TUBGCP5: variants seen among roughly 807,000 people sequenced by gnomAD.
TUBGCP5 encodes the protein tubulin gamma complex component 5.
Under a neutral mutation model 134.7 loss-of-function variants are expected in TUBGCP5, and 98 were observed. The observed-to-expected ratio is 0.73, with a 90% confidence interval of 0.62 to 0.86. TUBGCP5 has a LOEUF of 0.86. TUBGCP5 is among the 40% of genes least tolerant of loss of function. The pLI is 0.00. For missense variants in TUBGCP5, 1,150 were observed against 1,244.8 expected, an observed-to-expected ratio of 0.92 and a Z score of 1.15; for synonymous variants, 456 against 431.4, an observed-to-expected ratio of 1.06 and a Z score of -0.71.
rs1174427523 is a variant in TUBGCP5, at chr15:23,013,678, T to C, written c.1757-2347A>G. On this transcript the variant is annotated intron_variant, in intron 13 of 22. Coordinates refer to ENST00000615383, the MANE Select transcript of TUBGCP5 (RefSeq NM_052903.6). The surrounding 1 kb of genome is among the most constrained non-coding windows in gnomAD (Gnocchi z 4.5). Reference sequence around the variant, plus strand: ...ACCTACAGTCATTACTACAGGAGGATTCCACAGTTCCCACGAGCTCTGAGC... The same window carrying C: ...ACCTACAGTCATTACTACAGGAGGACTCCACAGTTCCCACGAGCTCTGAGC... Among the ~76,000 whole-genome samples, 1 of 152,050 alleles carries C rather than the reference T, an allele frequency of 6.6e-6. No homozygotes were observed. The highest frequency in any genetic ancestry group is 2.1e-4 in the South Asian group (1 of 4,826).
intron 1 of TUBGCP5, among the ~76,000 whole-genome samples, chr15:23,038,911 C>T (rs1174716946): frequency 2.0e-5 from 3 of 151,728 alleles, no homozygotes; most frequent in Non-Finnish European, 4.4e-5. Flanking sequence ...GTGGAGGAGA[C>T]AGTAATGACA....
intron 18 of TUBGCP5, 50 bp from the exon 19 acceptor site, chr15:23,005,660 C>A (rs1214888654): frequency 6.5e-7 from 1 of 1,548,174 alleles, no homozygotes; most frequent in African/African-American, 1.4e-5. Context: ...TCAACTCAAA[C>A]CCCACTGCAC....
chr15:22,990,258 C>CTCTCTCCTCCTCCTGCTAGGGCACT (rs2063807279), intron 23 of TUBGCP5, among the ~76,000 whole-genome samples: 1 of 150,834 alleles, frequency 6.6e-6, no homozygotes, highest in Non-Finnish European at 1.5e-5. Context: ...CTCCTCTTCC[C>CTCTCTCCTCCTCCTGCTAGGGCACT]CTCCTCTTCC....
At chr15:22,988,529 C>A (rs113964395) in intron 23 of TUBGCP5, among the ~76,000 whole-genome samples, 2 of 151,112 alleles carry the variant, frequency 1.3e-5, no homozygotes, top group Non-Finnish European at 2.9e-5. Flanking sequence ...GTCAGGAGAT[C>A]GAGACCATCC....
At chr15:23,038,422 C>T (rs940919336) in intron 1 of TUBGCP5, among the ~76,000 whole-genome samples, 1 of 152,174 alleles carries the variant, frequency 6.6e-6, no homozygotes, top group Non-Finnish European at 1.5e-5. Flanking sequence ...ACTTGGATTT[C>T]AGCATTTAAG....
At chr15:23,002,153 A>G (rs958015999) in intron 21 of TUBGCP5, among the ~76,000 whole-genome samples, 1 of 152,124 alleles carries the variant, frequency 6.6e-6, no homozygotes, top group African/African-American at 2.4e-5. Flanking sequence ...AAAAAAAGAA[A>G]AAAAAAAAGC....
At chr15:23,019,646 A>C (rs2140526979) in intron 11 of TUBGCP5, among the ~76,000 whole-genome samples, 1 of 151,822 alleles carries the variant, frequency 6.6e-6, no homozygotes, top group South Asian at 2.1e-4. Flanking sequence ...AAAATACAAA[A>C]ATTAGCTGGG....
chr15:23,008,618 AAT>A (rs2140449931), intron 16 of TUBGCP5, 79 bp downstream of exon 16: 1 of 1,442,616 alleles, frequency 6.9e-7, no homozygotes. Context: ...AGGATAAAAT[AAT>A]ATGTGTAATT....
intron 21 of TUBGCP5, among the ~76,000 whole-genome samples, chr15:23,002,027 G>A (rs1224590405): frequency 6.7e-6 from 1 of 149,722 alleles, no homozygotes; most frequent in Non-Finnish European, 1.5e-5. Context: ...GACTTCTTAA[G>A]TTCCTCACCC....
At chr15:23,004,855 G>T in intron 19 of TUBGCP5, among the ~76,000 whole-genome samples, 1 of 152,282 alleles carries the variant, frequency 6.6e-6, no homozygotes, top group Middle Eastern at 3.4e-3. Context: ...AGAACTCACA[G>T]ACCAGGTATA....
Position 23,022,037 on chromosome 15 carries a change from G to A in TUBGCP5, c.1293C>T (p.Val431=). The change falls in exon 11 of 23, where the codon GTC becomes GTT. Residue 431 remains valine, a synonymous_variant. Transcript: ENST00000615383. ...AEVPPDTRNV[V]RASHLLNTLY... Reference sequence around the variant, plus strand: ...GGGTGTTAAGCAGGTGAGAGGCCCGGACGACATTTCGAGTATCAGGTGGAA... The same window carrying A: ...GGGTGTTAAGCAGGTGAGAGGCCCGAACGACATTTCGAGTATCAGGTGGAA... 2 of 1,614,174 alleles carry A rather than the reference G, an allele frequency of 1.2e-6. No individual in the cohort carries two copies. The highest frequency in any genetic ancestry group is 1.6e-4 in the Middle Eastern group (1 of 6,062).
At chr15:23,006,629 A>C (rs1201080744) in intron 16 of TUBGCP5, among the ~76,000 whole-genome samples, 1 of 152,208 alleles carries the variant, frequency 6.6e-6, no homozygotes, top group Non-Finnish European at 1.5e-5. Context: ...GAAGCTGAGG[A>C]AGACAGTAAA....
In TUBGCP5 at chr15:23,006,430, T is replaced by G. The variant is rs1256788052; in HGVS notation, c.2328-78A>C. ...ATGCTCTTTTAAAATAATTGGTATT[T>G]CATTTACATAATATTCCCCAAAAGA... is the stretch of plus-strand genomic sequence containing the variant. On this transcript the variant is annotated intron_variant, in intron 16 of 22. Transcript: ENST00000615383. The G allele has an allele frequency of 4.2e-6, 4 of 962,966 alleles. No individual in the cohort carries two copies. In the African/African-American group the frequency reaches 5.1e-5, roughly 12 times the overall value. The allele number at this position is 962,966 out of a possible 1,614,324, so 59.7% of individuals were successfully genotyped here.
At position 23,026,201 on chromosome 15, in the gene TUBGCP5, G is replaced by C. The variant is rs751061960; in HGVS notation, c.742C>G (p.Gln248Glu). ...LHSNLAAVWD[Q>E]HLYSSDPLYV... ...AATGGATCACTGCTGTACAAGTGTT[G>C]GTCCCTATGAGACAGCAAACATAAA... is the stretch of plus-strand genomic sequence containing the variant. The change falls in exon 8 of 23, where the codon CAA (glutamine) becomes GAA (glutamate). Residue 248 changes from glutamine to glutamate, a missense_variant. Gln to Glu is a conservative substitution (Grantham distance 29). This residue lies in a region of TUBGCP5 where 453 missense variants were observed against 394.7 expected (regional missense o/e 1.15). Coordinates refer to ENST00000615383, the MANE Select transcript of TUBGCP5 (RefSeq NM_052903.6). 5 of 1,612,626 alleles carry C rather than the reference G, an allele frequency of 3.1e-6. No homozygotes were observed. In the Admixed American group the frequency reaches 8.4e-5, roughly 27 times the overall value.
chr15:23,010,840 A>T (rs964824139), intron 14 of TUBGCP5, among the ~76,000 whole-genome samples: 1 of 152,026 alleles, frequency 6.6e-6, no homozygotes, highest in South Asian at 2.1e-4. Context: ...TTAGCGGGGC[A>T]TGGTGGCACA....
chr15:23,038,161 C>CATA (rs1359977933), intron 1 of TUBGCP5, among the ~76,000 whole-genome samples: 1 of 152,142 alleles, frequency 6.6e-6, no homozygotes, highest in Non-Finnish European at 1.5e-5. Context: ...TGTATATGTA[C>CATA]ATAGCATAGC....
At chr15:23,001,315 T>C (rs1403602680) in intron 21 of TUBGCP5, among the ~76,000 whole-genome samples, 2 of 151,572 alleles carry the variant, frequency 1.3e-5, no homozygotes, top group East Asian at 1.9e-4. Flanking sequence ...AGTGCTGGGA[T>C]TGCAGTTGTG....
chr15:23,025,370 G>A (rs190155027), intron 8 of TUBGCP5, among the ~76,000 whole-genome samples: 3 of 152,186 alleles, frequency 2.0e-5, no homozygotes, highest in Non-Finnish European at 4.4e-5. Context: ...TATACTTGAC[G>A]ACCCAAAGAG....
intron 8 of TUBGCP5, 64 bp downstream of exon 8, chr15:23,026,052 A>G: frequency 1.5e-6 from 2 of 1,373,852 alleles, no homozygotes; most frequent in Non-Finnish European, 1.0e-6. Context: ...TTCCTTTAAT[A>G]AAAGTTTTTG....
Sources: allele counts gnomAD v4.1 joint callset (sites outside exome capture counted in the v4.1 genomes callset), GRCh38; gene constraint gnomAD v4.1.1; regional missense constraint gnomAD v4.1.1; non-coding constraint Gnocchi (gnomAD v3.1); transcripts MANE v1.5; gene names NCBI Gene and HGNC (gene_info 2026-07-23, HGNC 2026-07-21).